Variants in UNC5C observed in about 807,000 individuals in gnomAD.
UNC5C encodes netrin receptor UNC5C.
Under a neutral mutation model 99.8 loss-of-function variants are expected in UNC5C, and 47 were observed. The ratio of observed to expected loss-of-function variants is 0.47; its 90% CI spans 0.37 to 0.60. The LOEUF (loss-of-function observed/expected upper bound fraction) is 0.60. UNC5C is among the 20% of genes least tolerant of loss of function. The pLI is 0.00. For synonymous variants in UNC5C, 487 were observed against 452.2 expected, an observed-to-expected ratio of 1.08 and a Z score of -0.98; for missense variants, 1,062 against 1,165.9, an observed-to-expected ratio of 0.91 and a Z score of 1.30.
chr4:95,488,598 G>GA (rs559081670), intron 1 of UNC5C, among the ~76,000 whole-genome samples: 8 of 151,742 alleles, frequency 5.3e-5, no homozygotes, highest in African/African-American at 1.9e-4. Flanking sequence ...GATTTAAGGA[G>GA]AAAAATGCAC....
chr4:95,316,524 CAG>C (rs1329841027), intron 2 of UNC5C, among the ~76,000 whole-genome samples: 1 of 152,052 alleles, frequency 6.6e-6, no homozygotes, highest in Admixed American at 6.6e-5. Context: ...GGGAGGACAG[CAG>C]AGGTGAAAAT....
At chr4:95,500,415 TA>T (rs1352254952) in intron 1 of UNC5C, among the ~76,000 whole-genome samples, 4 of 151,890 alleles carry the variant, frequency 2.6e-5, no homozygotes, top group East Asian at 1.9e-4. Flanking sequence ...TATTAAGTTC[TA>T]AAAAAAACAA....
chr4:95,203,841 CA>C (rs1326404620), intron 11 of UNC5C, among the ~76,000 whole-genome samples: 1 of 152,046 alleles, frequency 6.6e-6, no homozygotes, highest in Non-Finnish European at 1.5e-5. Flanking sequence ...GATTTTGCTG[CA>C]AAAAGGTTTA....
At chr4:95,241,036 A>T (rs1256353365) in intron 7 of UNC5C, among the ~76,000 whole-genome samples, 1 of 152,242 alleles carries the variant, frequency 6.6e-6, no homozygotes, top group East Asian at 1.9e-4. Flanking sequence ...AAGTCCAACT[A>T]TTTCTACTTT....
At chr4:95,506,955 A>G (rs1369925921) in intron 1 of UNC5C, among the ~76,000 whole-genome samples, 1 of 151,066 alleles carries the variant, frequency 6.6e-6, no homozygotes, top group African/African-American at 2.5e-5. Flanking sequence ...TATAATACAA[A>G]TAACAAATAA....
chr4:95,535,048 G>A (rs908359107), intron 1 of UNC5C, among the ~76,000 whole-genome samples: 3 of 152,046 alleles, frequency 2.0e-5, no homozygotes, highest in African/African-American at 4.8e-5. Context: ...AATGTACAGT[G>A]GAGAAAAGCA....
intron 7 of UNC5C, among the ~76,000 whole-genome samples, chr4:95,231,438 G>A (rs1366294092): frequency 6.6e-6 from 1 of 152,024 alleles, no homozygotes; most frequent in African/African-American, 2.4e-5. Context: ...GCTATTTTTA[G>A]GTCACAAAGG....
chr4:95,456,940 A>G (rs747257523), intron 1 of UNC5C, among the ~76,000 whole-genome samples: 10 of 152,118 alleles, frequency 6.6e-5, no homozygotes, highest in Non-Finnish European at 1.5e-4. Context: ...TTTAAGTAAC[A>G]TGGGCAATAA....
intron 2 of UNC5C, among the ~76,000 whole-genome samples, chr4:95,307,588 AAAG>A (rs1302143159): frequency 6.6e-6 from 1 of 152,214 alleles, no homozygotes; most frequent in Admixed American, 6.5e-5. Context: ...CCAAAAAATT[AAAG>A]AAAAGAGACT....
chr4:95,278,090 A>G (rs545575026), intron 4 of UNC5C, among the ~76,000 whole-genome samples, 169 bp downstream of exon 4: 1 of 152,246 alleles, frequency 6.6e-6, no homozygotes, highest in Non-Finnish European at 1.5e-5. Flanking sequence ...CTCCCAAGTC[A>G]TTAATCAGTT....
intron 2 of UNC5C, among the ~76,000 whole-genome samples, chr4:95,302,971 C>A (rs1237639857): frequency 6.6e-6 from 1 of 151,872 alleles, no homozygotes; most frequent in Non-Finnish European, 1.5e-5. Context: ...ATCAGGGAAC[C>A]CAATCTAGTG....
At chr4:95,257,919 ATAAAACT>A (rs1233639284) in intron 4 of UNC5C, among the ~76,000 whole-genome samples, 2 of 152,244 alleles carry the variant, frequency 1.3e-5, no homozygotes, top group Non-Finnish European at 1.5e-5. Context: ...TAAAGCGTTA[ATAAAACT>A]TAGAAGATGA....
In UNC5C at chr4:95,548,866, G is replaced by A. The variant is rs1723152500; in HGVS notation, c.-9C>T. 3.7e-6 allele frequency: 6 copies of A among 1,612,612 alleles called. No homozygotes were observed. The highest frequency in any genetic ancestry group is 5.1e-6 in the Non-Finnish European group (6 of 1,179,696). ...CGCAGACCTTTCCTCATCGTAGACA[G>A]AGGTGTGCCGGGGGGAGGGGAGGGG... On this transcript the variant is annotated 5_prime_UTR_variant, in exon 1 of 16. Transcript: ENST00000453304.
chr4:95,352,370 G>C (rs1165954837), intron 1 of UNC5C, among the ~76,000 whole-genome samples: 2 of 152,044 alleles, frequency 1.3e-5, no homozygotes, highest in Non-Finnish European at 2.9e-5. Context: ...CTGCCGTTTA[G>C]GTTTCAGCTC....
intron 14 of UNC5C, among the ~76,000 whole-genome samples, chr4:95,177,127 C>G (rs942384733): frequency 6.6e-6 from 1 of 152,204 alleles, no homozygotes; most frequent in Non-Finnish European, 1.5e-5. Flanking sequence ...CACCCACTGA[C>G]CTGCGCCCAC....
intron 1 of UNC5C, among the ~76,000 whole-genome samples, chr4:95,445,334 CT>C (rs11458322): frequency 2.7e-5 from 4 of 149,898 alleles, no homozygotes; most frequent in South Asian, 2.1e-4. Flanking sequence ...AGAAATGAAT[CT>C]TTTTTTTTTC....
In UNC5C at chr4:95,382,458, C is replaced by CAAAA. The variant is rs11324926; in HGVS notation, c.125-46831_125-46828dup. On this transcript the variant is annotated intron_variant, in intron 1 of 15. Transcript: ENST00000453304. ...TGGGTGACAGAGTGAGACCGTCTGT[C>CAAAA]AAAAAAAAAAAAAAAGAGTGTTTTC... Among the ~76,000 whole-genome samples the CAAAA allele has an allele frequency of 2.1e-3, 286 of 135,992 alleles. 1 individual carries two copies. Among genetic ancestry groups the CAAAA allele is most frequent in the African/African-American group, 7.3e-3 (272 of 37,132 alleles). The allele number at this position is 135,992 out of a possible 152,430, so 89.2% of individuals were successfully genotyped here.
Position 95,325,200 on chromosome 4 carries a change from T to A in UNC5C, c.346+10210A>T, listed in dbSNP as rs116766043. Among the ~76,000 whole-genome samples, 1,382 of 152,260 alleles carry A rather than the reference T, an allele frequency of 9.1e-3. 16 individuals carry two copies. The highest frequency in any genetic ancestry group is 0.017 in the Non-Finnish European group (1,122 of 67,996). On this transcript the variant is annotated intron_variant, in intron 2 of 15. Transcript: ENST00000453304. ...AGACTGAAGATAAGATCAAGCAGGA[T>A]GTGCTTTATTTCATGGACAAAGGGA...
At chr4:95,547,639 G>A (rs370627490) in intron 1 of UNC5C, among the ~76,000 whole-genome samples, 1 of 152,226 alleles carries the variant, frequency 6.6e-6, no homozygotes, top group African/African-American at 2.4e-5. Context: ...TATCACCACT[G>A]AAGTGGGCTA....
Sources: allele counts gnomAD v4.1 joint callset (sites outside exome capture counted in the v4.1 genomes callset), GRCh38; gene constraint gnomAD v4.1.1; transcripts MANE v1.5; gene names NCBI Gene and HGNC (gene_info 2026-07-23, HGNC 2026-07-21).